Variants in PDGFRL observed in about 807,000 individuals in gnomAD.
The protein encoded by PDGFRL is platelet-derived growth factor receptor-like protein.
Under a neutral mutation model 37.2 loss-of-function variants are expected in PDGFRL, and 46 were observed. That is an observed-to-expected ratio of 1.24 (90% confidence interval 0.98 to 1.58). The LOEUF (loss-of-function observed/expected upper bound fraction) is 1.58, where lower values mean the gene tolerates loss of function less well. Ranked by LOEUF, PDGFRL falls within the 40% of genes most tolerant of loss-of-function variation. The probability of loss-of-function intolerance (pLI) is 0.00; values close to 1 mark genes in which losing one functional copy is unlikely to be tolerated. For synonymous variants in PDGFRL, 251 were observed against 184.3 expected, an observed-to-expected ratio of 1.36 and a Z score of -2.93; for missense variants, 692 against 467.6, an observed-to-expected ratio of 1.48 and a Z score of -4.43.
intron 2 of PDGFRL, among the ~76,000 whole-genome samples, chr8:17,620,667 A>C (rs1358639894): frequency 1.3e-5 from 2 of 152,194 alleles, no homozygotes; most frequent in Non-Finnish European, 2.9e-5. Context: ...TCACTGCATA[A>C]AATATGAAAA....
intron 2 of PDGFRL, among the ~76,000 whole-genome samples, chr8:17,599,366 G>C (rs1046225275): frequency 2.0e-5 from 3 of 152,164 alleles, no homozygotes; most frequent in African/African-American, 4.8e-5. Context: ...TCACAGCTTA[G>C]CTCCCACATA....
At chr8:17,593,991 T>A (rs1290158590) in intron 2 of PDGFRL, among the ~76,000 whole-genome samples, 1 of 152,222 alleles carries the variant, frequency 6.6e-6, no homozygotes, top group African/African-American at 2.4e-5. Flanking sequence ...GTTTTCATCT[T>A]GCATGGCCGA....
intron 2 of PDGFRL, among the ~76,000 whole-genome samples, chr8:17,616,380 A>C (rs539696579): frequency 1.8e-4 from 27 of 152,024 alleles, no homozygotes; most frequent in South Asian, 4.2e-4. Flanking sequence ...TTTTCAATAG[A>C]GATGCGGTTT....
intron 1 of PDGFRL, among the ~76,000 whole-genome samples, chr8:17,580,713 A>G (rs2150806538): frequency 6.6e-6 from 1 of 152,268 alleles, no homozygotes. Flanking sequence ...ACGGAATGGG[A>G]GGCTTTAAAA....
chr8:17,577,338 C>T (rs1269095813), intron 1 of PDGFRL, 31 bp downstream of exon 1: 3 of 1,590,290 alleles, frequency 1.9e-6, no homozygotes, highest in Non-Finnish European at 2.6e-6. Context: ...GGCCACCTAG[C>T]TTGTGCCCTG....
intron 5 of PDGFRL, among the ~76,000 whole-genome samples, chr8:17,642,273 G>C (rs1805140173): frequency 6.6e-6 from 1 of 152,216 alleles, no homozygotes; most frequent in Admixed American, 6.5e-5. Context: ...GAAGAACGGG[G>C]CCAGTGGAAA....
intron 2 of PDGFRL, among the ~76,000 whole-genome samples, chr8:17,597,905 T>A (rs565132016): frequency 2.9e-4 from 44 of 152,224 alleles, no homozygotes; most frequent in Non-Finnish European, 4.9e-4. Context: ...AGTGATTTCA[T>A]ATGGATTTTT....
upstream of PDGFRL, chr8:17,577,130 C>T: frequency 1.4e-6 from 2 of 1,434,294 alleles, no homozygotes; most frequent in South Asian, 1.3e-5. Flanking sequence ...CTTGTTCCTC[C>T]TGAAGAAACC....
intron 4 of PDGFRL, among the ~76,000 whole-genome samples, chr8:17,630,245 C>T (rs928779496): frequency 2.0e-5 from 3 of 152,212 alleles, no homozygotes; most frequent in Non-Finnish European, 2.9e-5. Context: ...TGGCCTTACT[C>T]CCTTACTCTT....
At chr8:17,611,339 C>G (rs1469210833) in intron 2 of PDGFRL, among the ~76,000 whole-genome samples, 2 of 152,236 alleles carry the variant, frequency 1.3e-5, no homozygotes, top group Non-Finnish European at 2.9e-5. Context: ...TCACTGAATT[C>G]TCTTCTATTC....
intron 2 of PDGFRL, among the ~76,000 whole-genome samples, chr8:17,620,500 T>A (rs909121708): frequency 7.9e-5 from 12 of 152,340 alleles, no homozygotes; most frequent in African/African-American, 2.2e-4. Context: ...TACGTTAATG[T>A]GGTACATTTT....
At position 17,628,577 on chromosome 8, in the gene PDGFRL, C is replaced by T. The variant is rs749084741; in HGVS notation, c.596C>T (p.Thr199Ile). The T allele has an allele frequency of 1.2e-6, 2 of 1,614,050 alleles. No homozygotes were observed. Among genetic ancestry groups the T allele is most frequent in the Non-Finnish European group, 1.7e-6 (2 of 1,179,910 alleles). ...CAGGCTGTGGTTCCTTGTCGGGTGA[C>T]CGTGCTGTCGGCCAAAGTCACGCTC... is the stretch of plus-strand genomic sequence containing the variant. The part of the protein sequence containing the change: ...DRQAVVPCRV[T>I]VLSAKVTLHR... The change falls in exon 4 of 6, where the codon ACC (threonine) becomes ATC (isoleucine). Residue 199 changes from threonine (T) to isoleucine (I), a missense_variant. Physicochemically the swap from Thr to Ile is moderately conservative, Grantham distance 89. Coordinates refer to ENST00000251630, the MANE Select transcript of PDGFRL (RefSeq NM_001372073.1).
At chr8:17,607,697 A>T (rs1804312840) in intron 2 of PDGFRL, among the ~76,000 whole-genome samples, 1 of 152,192 alleles carries the variant, frequency 6.6e-6, no homozygotes, top group African/African-American at 2.4e-5. Flanking sequence ...CATGTGGGTG[A>T]CGTCTGGGAT....
At chr8:17,595,901 A>G (rs573611758) in intron 2 of PDGFRL, among the ~76,000 whole-genome samples, 4 of 152,340 alleles carry the variant, frequency 2.6e-5, no homozygotes, top group African/African-American at 4.8e-5. Context: ...GGCAGGCCCA[A>G]TGGGTAGTCA....
intron 1 of PDGFRL, among the ~76,000 whole-genome samples, chr8:17,583,597 ACCT>A (rs1027914632): frequency 4.6e-5 from 7 of 151,832 alleles, no homozygotes; most frequent in African/African-American, 1.7e-4. Flanking sequence ...TGGATATTTG[ACCT>A]CCTCCTAACC....
intron 2 of PDGFRL, among the ~76,000 whole-genome samples, chr8:17,606,634 C>T (rs1804283590): frequency 6.6e-6 from 1 of 152,078 alleles, no homozygotes; most frequent in African/African-American, 2.4e-5. Flanking sequence ...ACAAGACTTC[C>T]CCCAGTGTAC....
intron 2 of PDGFRL, among the ~76,000 whole-genome samples, chr8:17,598,081 G>A (rs977894909): frequency 6.6e-6 from 1 of 152,104 alleles, no homozygotes; most frequent in African/African-American, 2.4e-5. Flanking sequence ...TGGTTCATAT[G>A]TGTAACACAG....
intron 2 of PDGFRL, among the ~76,000 whole-genome samples, chr8:17,598,604 AAAC>A (rs903415073): frequency 2.0e-5 from 3 of 152,242 alleles, no homozygotes; most frequent in Non-Finnish European, 4.4e-5. Context: ...TCAGCTAGGC[AAAC>A]AACAAAGTAT....
chr8:17,593,163 T>C (rs1166484653), intron 2 of PDGFRL, among the ~76,000 whole-genome samples: 1 of 152,176 alleles, frequency 6.6e-6, no homozygotes, highest in Non-Finnish European at 1.5e-5. Flanking sequence ...GAATCCGTTC[T>C]TCCTGTTTCC....
Sources: gnomAD v4.1 joint callset for allele counts (sites outside exome capture counted in the v4.1 genomes callset) on GRCh38, gnomAD v4.1.1 for gene constraint, MANE v1.5 for transcripts, NCBI Gene and HGNC (gene_info 2026-07-23, HGNC 2026-07-21) for gene names.